The following TTC28 variants were observed in gnomAD, a reference collection of about 807,000 sequenced individuals.
The protein encoded by TTC28 is tetratricopeptide repeat protein 28.
TTC28 carries 61 observed loss-of-function variants against 198.0 expected under a neutral mutation model. That is an observed-to-expected ratio of 0.31 (90% confidence interval 0.25 to 0.38). The LOEUF (loss-of-function observed/expected upper bound fraction) is 0.38. Ranked by LOEUF, TTC28 falls within the 10% of genes least tolerant of loss-of-function variation. The probability of loss-of-function intolerance (pLI) is 1.00; values close to 1 mark genes in which losing one functional copy is unlikely to be tolerated. For synonymous variants in TTC28, 1,171 were observed against 1,297.8 expected, an observed-to-expected ratio of 0.90 and a Z score of 2.10; for missense variants, 2,678 against 3,164.0, an observed-to-expected ratio of 0.85 and a Z score of 3.69.
At chr22:28,083,455 C>T (rs1941440126) in intron 12 of TTC28, among the ~76,000 whole-genome samples, 1 of 152,116 alleles carries the variant, frequency 6.6e-6, no homozygotes, top group Non-Finnish European at 1.5e-5. Context: ...AAGTTTCTTC[C>T]CCCTTTTGTA....
intron 12 of TTC28, among the ~76,000 whole-genome samples, chr22:28,061,401 G>T (rs1279422970): frequency 1.3e-5 from 2 of 152,164 alleles, no homozygotes; most frequent in African/African-American, 4.8e-5. Context: ...TGTATAAGGT[G>T]TAAGGAAGGG....
chr22:28,395,539 G>A (rs1367470794), intron 2 of TTC28, among the ~76,000 whole-genome samples: 5 of 151,416 alleles, frequency 3.3e-5, no homozygotes, highest in Admixed American at 2.0e-4. Flanking sequence ...GGCTGAGGCA[G>A]GCGAATGGCA....
intron 2 of TTC28, among the ~76,000 whole-genome samples, chr22:28,499,012 C>CA (rs532258555): frequency 2.0e-5 from 3 of 151,778 alleles, no homozygotes; most frequent in East Asian, 1.9e-4. Context: ...CCCATCTCTG[C>CA]AAAAAAAATT....
intron 5 of TTC28, among the ~76,000 whole-genome samples, chr22:28,196,460 CT>C (rs1925344863): frequency 6.6e-6 from 1 of 152,136 alleles, no homozygotes; most frequent in Non-Finnish European, 1.5e-5. Flanking sequence ...AACTAAAGAG[CT>C]TCTGCACAGC....
Position 28,107,876 on chromosome 22 carries a change from A to C in TTC28, c.1969T>G (p.Tyr657Asp). 1.9e-6 allele frequency: 3 copies of C among 1,551,758 alleles called. No homozygotes were observed. Among genetic ancestry groups the C allele is most frequent in the Non-Finnish European group, 2.6e-6 (3 of 1,147,000 alleles). Reference protein sequence around the residue: ...LGNYQEAVKYYEQDLALAKDL... With the variant: ...LGNYQEAVKYDEQDLALAKDL... ...TTAGCCAGTGCCAGATCCTGTTCGT[A>C]GTACTTCACTGCCTCCTGATAGTTT... Residue 657 changes from tyrosine to aspartate, a missense_variant, in exon 7 of 23, where the codon TAC (tyrosine) becomes GAC (aspartate). Tyr to Asp is a radical substitution (Grantham distance 160, BLOSUM62 -3). This residue lies in a region of TTC28 where 775 missense variants were observed against 845.9 expected (regional missense o/e 0.92). Transcript: ENST00000397906.
chr22:28,649,592 T>C (rs1419918243), intron 1 of TTC28, among the ~76,000 whole-genome samples: 1 of 152,156 alleles, frequency 6.6e-6, no homozygotes, highest in Non-Finnish European at 1.5e-5. Flanking sequence ...ATCTGGAGAT[T>C]TACCAAAACA....
At chr22:28,548,748 T>C (rs538088734) in intron 2 of TTC28, among the ~76,000 whole-genome samples, 68 of 152,322 alleles carry the variant, frequency 4.5e-4, no homozygotes, top group African/African-American at 1.6e-3. Context: ...TTATTATAGT[T>C]TAAAGTTTTA....
chr22:28,166,388 A>G (rs1921957464), intron 5 of TTC28, among the ~76,000 whole-genome samples: 1 of 152,160 alleles, frequency 6.6e-6, no homozygotes, highest in South Asian at 2.1e-4. Flanking sequence ...TCAGCACCAC[A>G]CCACACCTAT....
chr22:28,266,179 C>CAAA (rs3885490), intron 5 of TTC28, among the ~76,000 whole-genome samples: 1 of 115,340 alleles, frequency 8.7e-6, no homozygotes, highest in African/African-American at 3.3e-5. Flanking sequence ...GACTCTGTCT[C>CAAA]AAAAAAAAAA....
chr22:28,411,287 G>C (rs977891733), intron 2 of TTC28, among the ~76,000 whole-genome samples: 1 of 152,152 alleles, frequency 6.6e-6, no homozygotes, highest in African/African-American at 2.4e-5. Flanking sequence ...GGAGATCCTA[G>C]CTATCTGATG....
In TTC28 at chr22:28,527,509, G is replaced by C. The variant is rs1423827507; in HGVS notation, c.381+102043C>G. ...CAGAAACTTCTCTGCCATCAAATGG[G>C]CTACAACTACATCTTCTCCAACAAG... On this transcript the variant is annotated intron_variant, in intron 2 of 22. Transcript: ENST00000397906. Among the ~76,000 whole-genome samples, 8 of 152,306 alleles carry C rather than the reference G, an allele frequency of 5.3e-5. No homozygotes were observed. The East Asian group carries it at 1.5e-3, about 29-fold the overall frequency.
chr22:28,131,105 G>C (rs1382589616), intron 6 of TTC28, among the ~76,000 whole-genome samples: 1 of 152,198 alleles, frequency 6.6e-6, no homozygotes, highest in East Asian at 1.9e-4. Context: ...AGTGCTAGGT[G>C]GTGGAGATGT....
At chr22:28,350,381 C>T (rs921072271) in intron 2 of TTC28, among the ~76,000 whole-genome samples, 1 of 151,994 alleles carries the variant, frequency 6.6e-6, no homozygotes, top group Non-Finnish European at 1.5e-5. Flanking sequence ...CTAATGATAG[C>T]CCTTGAATTA....
chr22:28,480,794 T>C (rs1295362203), intron 2 of TTC28, among the ~76,000 whole-genome samples: 1 of 152,150 alleles, frequency 6.6e-6, no homozygotes, highest in East Asian at 1.9e-4. Flanking sequence ...AAATACACTT[T>C]ACTGTGTAAA....
chr22:28,578,464 A>C (rs1422061622), intron 2 of TTC28, among the ~76,000 whole-genome samples: 3 of 152,128 alleles, frequency 2.0e-5, no homozygotes, highest in Non-Finnish European at 2.9e-5. Flanking sequence ...AGAAACAAGA[A>C]CTAAAGGAGG....
chr22:27,998,469 A>G (rs1937590075), intron 16 of TTC28, 71 bp downstream of exon 16: 1 of 1,481,992 alleles, frequency 6.7e-7, no homozygotes, highest in Admixed American at 2.2e-5. Context: ...CCACTGGCAG[A>G]ATAAAGTCGG....
intron 2 of TTC28, among the ~76,000 whole-genome samples, chr22:28,619,621 G>A (rs1018809682): frequency 1.3e-5 from 2 of 152,290 alleles, no homozygotes; most frequent in Admixed American, 1.3e-4. Context: ...AAAGCTCATG[G>A]AAAATGTGTA....
intron 2 of TTC28, among the ~76,000 whole-genome samples, chr22:28,344,737 G>C (rs1420871754): frequency 6.6e-6 from 1 of 152,130 alleles, no homozygotes; most frequent in Non-Finnish European, 1.5e-5. Flanking sequence ...TTAGGAAAAA[G>C]AAGGAAGAGT....
Position 28,107,440 on chromosome 22 carries a change from G to T in TTC28, c.2405C>A (p.Ala802Asp). 4 of 1,551,716 alleles carry T rather than the reference G, an allele frequency of 2.6e-6. No individual in the cohort carries two copies. Among genetic ancestry groups the T allele is most frequent in the Non-Finnish European group, 3.5e-6 (4 of 1,147,016 alleles). The change falls in exon 7 of 23, where the codon GCT (alanine) becomes GAT (aspartate). Residue 802 changes from alanine (A) to aspartate (D), a missense_variant. By Grantham distance (126) the Ala-to-Asp change is moderately radical. Around this residue, in one of 8 missense-constraint regions of TTC28, gnomAD observed 775 missense variants for 845.9 expected, o/e 0.92. Coordinates refer to ENST00000397906, the MANE Select transcript of TTC28 (RefSeq NM_001145418.2). ...GECRAHGHLA[A>D]VYMALGKYTM... ...GTATTTCCCAAGGGCCATGTAGACA[G>T]CAGCCAGGTGCCCATGAGCTCTGCA...
Sources: allele counts gnomAD v4.1 joint callset (sites outside exome capture counted in the v4.1 genomes callset), GRCh38; gene constraint gnomAD v4.1.1; regional missense constraint gnomAD v4.1.1; transcripts MANE v1.5; gene names NCBI Gene and HGNC (gene_info 2026-07-23, HGNC 2026-07-21).